RIC8B: variants seen among roughly 807,000 people sequenced by gnomAD.
RIC8B encodes RIC8 guanine nucleotide exchange factor B.
A neutral mutation model predicts 57.5 loss-of-function variants in RIC8B; 16 were observed. That is an observed-to-expected ratio of 0.28 (90% confidence interval 0.19 to 0.42). The LOEUF is 0.42. Among genes scored for constraint, RIC8B ranks in the 10% least tolerant of loss-of-function variants. RIC8B has a pLI of 1.00. For missense variants in RIC8B, 481 were observed against 677.0 expected, an observed-to-expected ratio of 0.71 and a Z score of 3.21; for synonymous variants, 216 against 250.8, an observed-to-expected ratio of 0.86 and a Z score of 1.31.
chr12:106,843,994 G>C (rs112915005), intron 6 of RIC8B, 47 bp downstream of exon 6: 1 of 1,255,148 alleles, frequency 8.0e-7, no homozygotes, highest in South Asian at 1.2e-5. Flanking sequence ...CTTTTTATGT[G>C]CATTTTAAAC....
chr12:106,790,585 T>G (rs2044304), intron 2 of RIC8B, among the ~76,000 whole-genome samples: 58,069 of 151,906 alleles, frequency 0.38, 11,288 homozygotes, highest in African/African-American at 0.44. Flanking sequence ...GTAGGATTGG[T>G]GGGGAGGATA....
At chr12:106,777,810 A>G (rs925470271) in intron 1 of RIC8B, among the ~76,000 whole-genome samples, 2 of 152,222 alleles carry the variant, frequency 1.3e-5, no homozygotes, top group African/African-American at 4.8e-5. Context: ...ATGAAATATA[A>G]TGCCAACACT....
At position 106,801,510 on chromosome 12, in the gene RIC8B, A is replaced by G. The variant is rs187101072; in HGVS notation, c.133-13186A>G. The stretch of plus-strand genomic sequence containing the variant: ...TGCAGGAAAGGAAGTTAGAGATGAA[A>G]TTTAGGAAGTGAGATACAGCCTCGT... On this transcript the variant is annotated intron_variant, in intron 2 of 9. Coordinates refer to ENST00000392837, the MANE Select transcript of RIC8B (RefSeq NM_001330145.2). Among the ~76,000 whole-genome samples, 517 of 152,324 alleles carry G rather than the reference A, an allele frequency of 3.4e-3. 1 individual carries two copies. Among genetic ancestry groups the G allele is most frequent in the African/African-American group, 0.012 (491 of 41,568 alleles).
chr12:106,832,102 C>G (rs2046377250), intron 4 of RIC8B, among the ~76,000 whole-genome samples: 3 of 152,108 alleles, frequency 2.0e-5, no homozygotes, highest in Admixed American at 1.3e-4. Context: ...GAACTCAGCT[C>G]AAATGTCACT....
intron 8 of RIC8B, among the ~76,000 whole-genome samples, chr12:106,868,908 CAA>C (rs1235085785): frequency 1.1e-5 from 1 of 94,018 alleles, no homozygotes; most frequent in Non-Finnish European, 2.0e-5. Flanking sequence ...AAGCTTTTTT[CAA>C]AGTTTCTCAA....
intron 6 of RIC8B, among the ~76,000 whole-genome samples, chr12:106,846,426 C>T (rs550526217): frequency 6.6e-6 from 1 of 152,106 alleles, no homozygotes; most frequent in South Asian, 2.1e-4. Context: ...TATCTAGAAA[C>T]ACTAATAGGT....
chr12:106,812,394 T>C (rs2045373065), intron 2 of RIC8B, among the ~76,000 whole-genome samples: 1 of 152,148 alleles, frequency 6.6e-6, no homozygotes, highest in Non-Finnish European at 1.5e-5. Context: ...CTCTTTTTCT[T>C]TCTTGAGTCT....
At chr12:106,818,488 G>T (rs1355458701) in intron 3 of RIC8B, among the ~76,000 whole-genome samples, 2 of 151,740 alleles carry the variant, frequency 1.3e-5, no homozygotes, top group African/African-American at 4.8e-5. Flanking sequence ...AAAGAACAGG[G>T]TCTTGTCTGT....
At chr12:106,840,537 C>T (rs1226141999) in intron 4 of RIC8B, among the ~76,000 whole-genome samples, 2 of 152,124 alleles carry the variant, frequency 1.3e-5, no homozygotes, top group Non-Finnish European at 2.9e-5. Flanking sequence ...ATAAAACTGT[C>T]AGAGAAGTGA....
chr12:106,813,108 G>A (rs2045409671), intron 2 of RIC8B, among the ~76,000 whole-genome samples: 1 of 149,148 alleles, frequency 6.7e-6, no homozygotes, highest in Non-Finnish European at 1.5e-5. Context: ...CATTTACATT[G>A]TATTAGATAT....
intron 6 of RIC8B, among the ~76,000 whole-genome samples, chr12:106,850,745 A>G (rs1199809646): frequency 3.9e-5 from 6 of 152,202 alleles, no homozygotes; most frequent in African/African-American, 9.7e-5. Flanking sequence ...CATTTTTATT[A>G]TAAAATTAAA....
At chr12:106,801,395 A>C (rs1455822279) in intron 2 of RIC8B, among the ~76,000 whole-genome samples, 1 of 152,192 alleles carries the variant, frequency 6.6e-6, no homozygotes, top group Non-Finnish European at 1.5e-5. Context: ...TTGTTTAATA[A>C]TTGTTTCTCA....
At chr12:106,807,776 C>A (rs1009342454) in intron 2 of RIC8B, among the ~76,000 whole-genome samples, 1 of 152,102 alleles carries the variant, frequency 6.6e-6, no homozygotes, top group African/African-American at 2.4e-5. Flanking sequence ...ATAGATTCAA[C>A]CAACAGAATT....
At chr12:106,845,328 C>CTTCT (rs74346796) in intron 6 of RIC8B, among the ~76,000 whole-genome samples, 67,378 of 151,612 alleles carry the variant, frequency 0.44, 15,416 homozygotes, top group African/African-American at 0.55. Flanking sequence ...TATTTCACAG[C>CTTCT]TTTTCTTCAC....
chr12:106,874,354 C>G, intron 9 of RIC8B: 1 of 713,182 alleles, frequency 1.4e-6, no homozygotes. Context: ...GTCTGATTAA[C>G]TTTCCTTCTC....
intron 9 of RIC8B, chr12:106,873,192 A>G: frequency 8.1e-6 from 8 of 985,392 alleles, no homozygotes; most frequent in East Asian, 1.1e-4. Context: ...TGATTTTTGC[A>G]TGTTTAAAGC....
chr12:106,825,697 A>G, intron 3 of RIC8B, 29 bp from the exon 4 acceptor site: 6 of 1,568,382 alleles, frequency 3.8e-6, no homozygotes, highest in African/African-American at 1.3e-5. Context: ...TCAACCCCCA[A>G]TGTTTCCTCT....
rs770236895 is a variant in RIC8B, at chr12:106,825,860, A to G, written c.836+40A>G. On this transcript the variant is annotated intron_variant, in intron 4 of 9. Coordinates refer to ENST00000392837, the MANE Select transcript of RIC8B (RefSeq NM_001330145.2). ...TATTGATATCCCAATGAAGGACATC[A>G]TCAGTTGTTCTTGGTTTTATGCATC... 10 of 1,360,916 alleles carry G rather than the reference A, an allele frequency of 7.3e-6. No homozygotes were observed. The Admixed American group carries it at 1.3e-4, about 18-fold the overall frequency. The allele number at this position is 1,360,916 out of a possible 1,614,324, so 84.3% of individuals were successfully genotyped here.
rs1327299813 is a variant in RIC8B, at chr12:106,886,045, C to T, written c.*30C>T. Reference sequence around the variant, plus strand: ...ATCACCTGCTCAACTCTCAATATTGCTTTATCAGCATCTTTTCTCTGTAGC... The same window carrying T: ...ATCACCTGCTCAACTCTCAATATTGTTTTATCAGCATCTTTTCTCTGTAGC... On this transcript the variant is annotated 3_prime_UTR_variant, in exon 10 of 10. Transcript: ENST00000392837. The T allele has an allele frequency of 5.6e-6, 8 of 1,422,578 alleles. No homozygotes were observed. The highest frequency in any genetic ancestry group is 2.3e-5 in the East Asian group (1 of 43,958). 88.1% of individuals were successfully genotyped at this position (1,422,578 alleles called of 1,614,324 possible).
Sources: gnomAD v4.1 joint callset for allele counts (sites outside exome capture counted in the v4.1 genomes callset) on GRCh38, gnomAD v4.1.1 for gene constraint, MANE v1.5 for transcripts, NCBI Gene and HGNC (gene_info 2026-07-23, HGNC 2026-07-21) for gene names.